MYL4: variants seen among roughly 807,000 people sequenced by gnomAD.
The protein encoded by MYL4 is atrial myosin light chain 1.
Under a neutral mutation model 21.6 loss-of-function variants are expected in MYL4, and 16 were observed. The ratio of observed to expected loss-of-function variants is 0.74; its 90% CI spans 0.50 to 1.12. MYL4 has a LOEUF of 1.12. Ranked by LOEUF, MYL4 falls within the 50% of genes most tolerant of loss-of-function variation. The pLI is 0.00. For synonymous variants in MYL4, 82 were observed against 95.7 expected (o/e 0.86, Z 0.83); for missense variants, 249 against 252.9 (o/e 0.98, Z 0.11).
chr17:47,190,211 G>T, the MYL4 span, among the ~76,000 whole-genome samples: 12 of 152,234 alleles, frequency 7.9e-5, no homozygotes, highest in Admixed American at 7.8e-4. Flanking sequence ...CAGAGGCCTG[G>T]TTTTGAATTT....
chr17:47,226,799 T>G (rs1018107809), downstream of MYL4, among the ~76,000 whole-genome samples: 2 of 152,216 alleles, frequency 1.3e-5, no homozygotes, highest in African/African-American at 4.8e-5. Flanking sequence ...AAGATGCTGC[T>G]CCGGCTCAGC....
At chr17:47,210,216 C>G (rs114805281) in intron 1 of MYL4, among the ~76,000 whole-genome samples, 1,761 of 152,280 alleles carry the variant, frequency 0.012, 30 homozygotes, top group African/African-American at 0.04. Context: ...GGCTGAGACC[C>G]TCTCTCCAAC....
upstream of MYL4, among the ~76,000 whole-genome samples, chr17:47,205,049 G>C (rs892802080): frequency 2.0e-5 from 3 of 152,222 alleles, no homozygotes; most frequent in African/African-American, 7.2e-5. Context: ...TGTGTGGTTA[G>C]AGATGAAGGG....
At chr17:47,213,177 C>T (rs938904853) in intron 1 of MYL4, among the ~76,000 whole-genome samples, 1 of 152,098 alleles carries the variant, frequency 6.6e-6, no homozygotes, top group African/African-American at 2.4e-5. Context: ...ACCTCAGACC[C>T]GGAGGCATTA....
chr17:47,197,025 C>G (rs112808870), upstream of MYL4, among the ~76,000 whole-genome samples: 1 of 145,814 alleles, frequency 6.9e-6, no homozygotes, highest in African/African-American at 2.5e-5. Context: ...AAACATGATG[C>G]TTTTTTTTTG....
At chr17:47,195,306 C>T in the MYL4 span, among the ~76,000 whole-genome samples, 3 of 150,518 alleles carry the variant, frequency 2.0e-5, no homozygotes, top group Admixed American at 6.6e-5. Flanking sequence ...CTTGGCTCAC[C>T]GCAACCTCTG....
Position 47,222,882 on chromosome 17 carries a change from G to C in MYL4, c.566-132G>C, listed in dbSNP as rs925238134. On this transcript the variant is annotated intron_variant, in intron 5 of 6. Transcript: ENST00000393450. ...CTTCTCCCCACCAACCCCCAAATAA[G>C]AGCAGGAACTACACAGTCTGGAGAA... 9.7e-6 allele frequency: 11 copies of C among 1,131,654 alleles called. No homozygotes were observed. The Admixed American group carries it at 1.5e-4, about 15-fold the overall frequency. 70.1% of individuals were successfully genotyped at this position (1,131,654 alleles called of 1,614,324 possible). A position where few individuals can be genotyped will look rare whatever the true frequency, so the allele number is the denominator to read the frequency against.
intron 3 of MYL4, among the ~76,000 whole-genome samples, chr17:47,221,034 C>T (rs140872120): frequency 6.5e-4 from 99 of 152,272 alleles, no homozygotes; most frequent in African/African-American, 2.4e-3. Context: ...AAGTCAGAAG[C>T]AAGTCCTGTG....
At chr17:47,214,720 T>G (rs141711906) in intron 2 of MYL4, among the ~76,000 whole-genome samples, 1,944 of 152,358 alleles carry the variant, frequency 0.013, 15 homozygotes, top group Non-Finnish European at 0.019. Flanking sequence ...TTATGTATCC[T>G]TTCAGAAAAA....
At chr17:47,201,698 C>T (rs1393581951) in intron 1 of MYL4, among the ~76,000 whole-genome samples, 16 of 152,032 alleles carry the variant, frequency 1.1e-4, no homozygotes, top group East Asian at 1.9e-4. Flanking sequence ...TCAGGTGATC[C>T]GCCCGCCTCG....
chr17:47,190,084 T>C, the MYL4 span, among the ~76,000 whole-genome samples: 2 of 152,146 alleles, frequency 1.3e-5, no homozygotes, highest in African/African-American at 4.8e-5. Context: ...AAGGCATTAA[T>C]TGGAAATAGT....
chr17:47,208,034 C>T (rs1021490041), upstream of MYL4, among the ~76,000 whole-genome samples: 2 of 152,218 alleles, frequency 1.3e-5, no homozygotes, highest in Non-Finnish European at 2.9e-5. Flanking sequence ...CTAATCCCAG[C>T]TTATAGCTAA....
the MYL4 span, among the ~76,000 whole-genome samples, chr17:47,192,122 A>G: frequency 7.2e-5 from 11 of 152,330 alleles, no homozygotes; most frequent in South Asian, 6.2e-4. Context: ...TGGGAGGCCA[A>G]TGCAGACGGA....
the MYL4 span, among the ~76,000 whole-genome samples, chr17:47,194,366 A>G: frequency 1.3e-5 from 2 of 152,206 alleles, no homozygotes; most frequent in African/African-American, 4.8e-5. Flanking sequence ...CTCCTGGTAC[A>G]AGGAGGGCAT....
chr17:47,226,980 G>C (rs1598663558), downstream of MYL4, among the ~76,000 whole-genome samples: 1 of 152,048 alleles, frequency 6.6e-6, no homozygotes, highest in African/African-American at 2.4e-5. Context: ...TCAGCCTCCC[G>C]AGTAGCTGAG....
intron 1 of MYL4, among the ~76,000 whole-genome samples, chr17:47,212,142 G>A (rs1417899933): frequency 1.3e-5 from 2 of 152,062 alleles, no homozygotes; most frequent in African/African-American, 2.4e-5. Context: ...CTTGAACTTG[G>A]GAGGCGAAGG....
At chr17:47,225,035 G>A (rs1399449064), downstream of MYL4, among the ~76,000 whole-genome samples, 1 of 152,196 alleles carries the variant, frequency 6.6e-6, no homozygotes, top group African/African-American at 2.4e-5. Flanking sequence ...ATCCCAGAAA[G>A]GGAGTCCTTA....
rs114354390 is a variant in MYL4 at position 47,210,202 on chromosome 17, C to G, written c.135+645C>G. Among the ~76,000 whole-genome samples, 274 of 152,280 alleles carry G rather than the reference C, an allele frequency of 1.8e-3. 1 individual carries two copies. The highest frequency in any genetic ancestry group is 6.3e-3 in the African/African-American group (261 of 41,562). On this transcript the variant is annotated intron_variant, in intron 1 of 6. Coordinates refer to ENST00000393450, the MANE Select transcript of MYL4 (RefSeq NM_002476.2). ...TGTAGCATGCAGAGGACTGGCCCACCCTGGGCTGAGACCCTCTCTCCAACC... is the reference window on the plus strand; with the variant it reads ...TGTAGCATGCAGAGGACTGGCCCACGCTGGGCTGAGACCCTCTCTCCAACC...
intron 1 of MYL4, among the ~76,000 whole-genome samples, chr17:47,203,373 T>C (rs963146966): frequency 6.6e-6 from 1 of 152,206 alleles, no homozygotes; most frequent in Non-Finnish European, 1.5e-5. Context: ...AGATAGTCTT[T>C]CTTGTTTTTC....
Sources: gnomAD v4.1 joint callset for allele counts (sites outside exome capture counted in the v4.1 genomes callset) on GRCh38, gnomAD v4.1.1 for gene constraint, MANE v1.5 for transcripts, NCBI Gene and HGNC (gene_info 2026-07-23, HGNC 2026-07-21) for gene names.